ITGA2: variants seen among roughly 807,000 people sequenced by gnomAD.
ITGA2 encodes the protein integrin subunit alpha 2.
ITGA2 carries 101 observed loss-of-function variants against 146.3 expected under a neutral mutation model. That is an observed-to-expected ratio of 0.69 (90% CI 0.59 to 0.81). ITGA2 has a LOEUF of 0.81. Among genes scored for constraint, ITGA2 ranks in the 40% least tolerant of loss-of-function variants. ITGA2 has a pLI of 0.00. For missense variants in ITGA2, 1,281 were observed against 1,402.7 expected, an observed-to-expected ratio of 0.91 and a Z score of 1.39; for synonymous variants, 477 against 487.1, an observed-to-expected ratio of 0.98 and a Z score of 0.27.
intron 1 of ITGA2, among the ~76,000 whole-genome samples, 176 bp downstream of exon 1, chr5:52,989,708 C>T (rs1740825866): frequency 6.6e-6 from 1 of 152,170 alleles, no homozygotes; most frequent in African/African-American, 2.4e-5. Context: ...TCTTCGTTCC[C>T]TTCCTGCTAT....
At chr5:53,012,664 G>A (rs941789221) in intron 1 of ITGA2, among the ~76,000 whole-genome samples, 3 of 152,102 alleles carry the variant, frequency 2.0e-5, no homozygotes, top group Non-Finnish European at 4.4e-5. Flanking sequence ...TAAGTTCTTT[G>A]AGAAGTCACC....
At chr5:53,020,689 T>A (rs12514668) in intron 1 of ITGA2, among the ~76,000 whole-genome samples, 20,346 of 150,538 alleles carry the variant, frequency 0.14, 1,405 homozygotes, top group South Asian at 0.15. Context: ...TATTATTATT[T>A]TTTTTTTGGT....
chr5:53,026,654 A>G (rs1196704406), intron 1 of ITGA2, 94 bp from the exon 2 acceptor site: 1 of 1,135,174 alleles, frequency 8.8e-7, no homozygotes, highest in East Asian at 2.4e-5. Flanking sequence ...TTATTAGGTC[A>G]AGCAAGTTTT....
At chr5:53,056,875 G>A (rs554583509) in intron 9 of ITGA2, among the ~76,000 whole-genome samples, 29 of 151,524 alleles carry the variant, frequency 1.9e-4, no homozygotes, top group Admixed American at 1.7e-3. Context: ...TGGTTAACCC[G>A]AATAACTCTT....
chr5:53,073,599 C>G (rs1745503821), intron 20 of ITGA2, among the ~76,000 whole-genome samples: 1 of 151,858 alleles, frequency 6.6e-6, no homozygotes, highest in Non-Finnish European at 1.5e-5. Context: ...AAAGCTTAGC[C>G]TGAGCTTTGC....
chr5:53,038,132 TGA>T (rs1266001158), intron 2 of ITGA2, among the ~76,000 whole-genome samples: 4 of 151,112 alleles, frequency 2.6e-5, no homozygotes, highest in African/African-American at 9.7e-5. Flanking sequence ...AGTGCTTAGT[TGA>T]GAGAAAAAAA....
intron 10 of ITGA2, among the ~76,000 whole-genome samples, chr5:53,059,009 A>G (rs1460860491): frequency 2.0e-5 from 3 of 151,912 alleles, no homozygotes; most frequent in Non-Finnish European, 4.4e-5. Flanking sequence ...TCTTATCCTC[A>G]AAGTAGAACA....
chr5:53,068,797 C>T (rs1745258824), intron 16 of ITGA2, among the ~76,000 whole-genome samples: 2 of 150,328 alleles, frequency 1.3e-5, no homozygotes, highest in South Asian at 2.1e-4. Context: ...TCATTTATTG[C>T]ATCAGGTGCA....
At chr5:53,054,895 T>A (rs1348005147) in intron 7 of ITGA2, among the ~76,000 whole-genome samples, 1 of 152,066 alleles carries the variant, frequency 6.6e-6, no homozygotes, top group Admixed American at 6.6e-5. Context: ...CTTATTTATA[T>A]GACCAAATAC....
chr5:53,076,222 G>C (rs1344525604), intron 23 of ITGA2, among the ~76,000 whole-genome samples: 1 of 151,924 alleles, frequency 6.6e-6, no homozygotes, highest in Non-Finnish European at 1.5e-5. Flanking sequence ...TCCCAGCACA[G>C]ATCAATGACC....
intron 2 of ITGA2, among the ~76,000 whole-genome samples, chr5:53,027,231 T>A (rs1315339157): frequency 6.6e-6 from 1 of 152,268 alleles, no homozygotes; most frequent in Non-Finnish European, 1.5e-5. Context: ...TACCTAGTTA[T>A]TAATGCTATC....
intron 6 of ITGA2, among the ~76,000 whole-genome samples, chr5:53,051,061 A>T (rs540123756): frequency 6.6e-6 from 1 of 152,194 alleles, no homozygotes; most frequent in Non-Finnish European, 1.5e-5. Flanking sequence ...TAGAAAGTTT[A>T]TTTATATCAA....
intron 3 of ITGA2, 72 bp from the exon 4 acceptor site, chr5:53,044,929 T>G: frequency 9.5e-7 from 1 of 1,052,094 alleles, no homozygotes; most frequent in Non-Finnish European, 1.5e-6. Context: ...TGGGTGTGCC[T>G]GTTTTCTTTT....
intron 1 of ITGA2, among the ~76,000 whole-genome samples, chr5:53,021,286 T>A (rs999153150): frequency 6.6e-6 from 1 of 152,238 alleles, no homozygotes; most frequent in African/African-American, 2.4e-5. Context: ...CTAATTTTTT[T>A]AGATTGCTAG....
intron 2 of ITGA2, among the ~76,000 whole-genome samples, chr5:53,041,870 T>A (rs1382474281): frequency 6.6e-6 from 1 of 152,178 alleles, no homozygotes; most frequent in African/African-American, 2.4e-5. Context: ...TTGCATTATA[T>A]TTCTATTGGA....
chr5:53,087,575 T>C (rs191854081), intron 28 of ITGA2, among the ~76,000 whole-genome samples: 17 of 150,956 alleles, frequency 1.1e-4, no homozygotes, highest in Non-Finnish European at 4.4e-5. Context: ...GTGTGGCATG[T>C]CCATTCATTA....
intron 1 of ITGA2, among the ~76,000 whole-genome samples, chr5:53,020,155 T>C (rs1253308916): frequency 6.6e-6 from 1 of 152,186 alleles, no homozygotes; most frequent in African/African-American, 2.4e-5. Context: ...AATAAGTTTA[T>C]TGAGTGAACA....
chr5:53,028,869 C>T (rs911033579), intron 2 of ITGA2, among the ~76,000 whole-genome samples: 1 of 152,206 alleles, frequency 6.6e-6, no homozygotes, highest in African/African-American at 2.4e-5. Context: ...TGATGGAAGC[C>T]AACACCAGCT....
chr5:53,059,847 A>C, intron 10 of ITGA2, 27 bp from the exon 11 acceptor site: 2 of 1,608,912 alleles, frequency 1.2e-6, no homozygotes, highest in Non-Finnish European at 1.7e-6. Flanking sequence ...ATTTGTTTCA[A>C]TGATCTTCAT....
Sources: allele counts gnomAD v4.1 joint callset (sites outside exome capture counted in the v4.1 genomes callset), GRCh38; gene constraint gnomAD v4.1.1; transcripts MANE v1.5; gene names NCBI Gene and HGNC (gene_info 2026-07-23, HGNC 2026-07-21).